TGS1: variants seen among roughly 807,000 people sequenced by gnomAD.
TGS1 encodes the protein trimethylguanosine synthase 1.
TGS1 carries 69 observed loss-of-function variants against 92.2 expected under a neutral mutation model. The observed-to-expected ratio is 0.75, with a 90% CI of 0.62 to 0.91. The LOEUF (loss-of-function observed/expected upper bound fraction) is 0.91, where lower values mean the gene tolerates loss of function less well. Ranked by LOEUF, TGS1 falls within the 40% of genes least tolerant of loss-of-function variation. The pLI is 0.00. For missense variants in TGS1, 1,062 were observed against 1,001.2 expected (o/e 1.06, Z -0.82); for synonymous variants, 345 against 338.1 (o/e 1.02, Z -0.22).
chr8:55,790,208 A>T lies in TGS1; in HGVS notation c.1189A>T (p.Thr397Ser). 6.2e-7 allele frequency: 1 copy of T among 1,614,048 alleles called. No homozygotes were observed. Among genetic ancestry groups the T allele is most frequent in the Non-Finnish European group, 8.5e-7 (1 of 1,179,910 alleles). The change falls in exon 5 of 13, where the codon ACA becomes TCA. Residue 397 changes from threonine (T) to serine (S), a missense_variant. Physicochemically the swap from Thr to Ser is moderately conservative, Grantham distance 58. Transcript: ENST00000260129. ...TTCACAGAAGTCTTCAGGAGCAAAC[A>T]CAAGCAAAGACAGACCACATGCCAG... ...EDSQKSSGAN[T>S]SKDRPHASGT...
At chr8:55,783,425 A>C (rs1212877026) in intron 2 of TGS1, among the ~76,000 whole-genome samples, 4 of 152,196 alleles carry the variant, frequency 2.6e-5, no homozygotes. Flanking sequence ...TCTCCAATTT[A>C]GAATATGTAA....
chr8:55,799,253 A>G lies in TGS1; in HGVS notation c.1849+33A>G, dbSNP rs755955626. 3.9e-6 allele frequency: 6 copies of G among 1,546,922 alleles called. No individual in the cohort carries two copies. In the South Asian group the frequency reaches 7.5e-5, roughly 19 times the overall value. On this transcript the variant is annotated intron_variant, in intron 8 of 12. Transcript: ENST00000260129. ...TAAATATGCTTCAACTTGCTAATGG[A>G]TTTAGATAAAATTTTTTTTGTTAAT...
chr8:55,811,447 G>T (rs1803338481), intron 11 of TGS1, among the ~76,000 whole-genome samples: 1 of 151,622 alleles, frequency 6.6e-6, no homozygotes, highest in Non-Finnish European at 1.5e-5. Context: ...GGGTGACAGA[G>T]CGGGACTCTG....
rs183853797 is a variant in TGS1, at chr8:55,814,240, G to A, written c.2439+1122G>A. On this transcript the variant is annotated intron_variant, in intron 12 of 12. Transcript: ENST00000260129. The stretch of plus-strand genomic sequence containing the variant: ...TGGGATTATAGGTGTGAGCCACCAC[G>A]CGCAGCTGAGTAGCTTTTTAAAAAA... Among the ~76,000 whole-genome samples the A allele has an allele frequency of 4.4e-3, 666 of 152,132 alleles. 9 individuals are homozygous for A. Among genetic ancestry groups the A allele is most frequent in the African/African-American group, 0.015 (604 of 41,500 alleles).
At chr8:55,805,787 C>CA (rs1812348953) in intron 10 of TGS1, among the ~76,000 whole-genome samples, 1 of 150,162 alleles carries the variant, frequency 6.7e-6, no homozygotes, top group African/African-American at 2.5e-5. Context: ...GAGGCTGAGG[C>CA]AGGAGACTCG....
chr8:55,791,953 A>G lies in TGS1; in HGVS notation c.1281-745A>G, dbSNP rs181245800. ...GGACACTTCATTTCTTTGACTGGAT[A>G]TGGGGTGCTCCACGTAAGACACTTG... On this transcript the variant is annotated intron_variant, in intron 5 of 12. Transcript: ENST00000260129. Among the ~76,000 whole-genome samples, 471 of 152,278 alleles carry G rather than the reference A, an allele frequency of 3.1e-3. 5 individuals carry two copies. The highest frequency in any genetic ancestry group is 0.01 in the African/African-American group (418 of 41,546).
At chr8:55,809,993 C>G (rs956367167) in intron 10 of TGS1, among the ~76,000 whole-genome samples, 2 of 152,146 alleles carry the variant, frequency 1.3e-5, no homozygotes, top group Admixed American at 6.5e-5. Context: ...GGAAAAACAC[C>G]ATTATAAATG....
chr8:55,810,095 A>T (rs960667826), intron 10 of TGS1, among the ~76,000 whole-genome samples: 1 of 152,226 alleles, frequency 6.6e-6, no homozygotes, highest in Non-Finnish European at 1.5e-5. Flanking sequence ...AAATTTGGAA[A>T]CTAGCATTTT....
intron 12 of TGS1, among the ~76,000 whole-genome samples, chr8:55,821,416 G>A (rs982988649): frequency 4.6e-5 from 7 of 152,036 alleles, no homozygotes; most frequent in African/African-American, 1.4e-4. Context: ...ACAGACTTCA[G>A]AACTCATGAT....
Position 55,785,768 on chromosome 8 carries a change from A to G in TGS1, c.216A>G (p.Ala72=), listed in dbSNP as rs1327249392. Residue 72 remains alanine (A), a synonymous_variant, in exon 3 of 13, where the codon GCA becomes GCG. Transcript: ENST00000260129. ...EEEGGYSCGT[A]ESHDSKGIGL... ...AAGGTGGTTATTCCTGTGGTACTGCAGAATCACATGACAGCAAAGGCATAG... is the reference window on the plus strand; with the variant it reads ...AAGGTGGTTATTCCTGTGGTACTGCGGAATCACATGACAGCAAAGGCATAG... The G allele has an allele frequency of 1.2e-6, 2 of 1,613,538 alleles. No homozygotes were observed. The highest frequency in any genetic ancestry group is 1.3e-5 in the African/African-American group (1 of 74,896).
intron 1 of TGS1, among the ~76,000 whole-genome samples, chr8:55,781,591 T>C (rs1397838080): frequency 6.6e-6 from 1 of 152,200 alleles, no homozygotes; most frequent in Admixed American, 6.5e-5. Flanking sequence ...ATGCCCCCTG[T>C]GCAGCTCCTG....
At chr8:55,783,613 G>T (rs1321587006) in intron 2 of TGS1, among the ~76,000 whole-genome samples, 1 of 152,120 alleles carries the variant, frequency 6.6e-6, no homozygotes, top group Non-Finnish European at 1.5e-5. Context: ...TGTACATTGA[G>T]CCTCACTTTG....
chr8:55,775,091 A>G (rs531888443), intron 1 of TGS1, among the ~76,000 whole-genome samples: 1 of 151,928 alleles, frequency 6.6e-6, no homozygotes, highest in Non-Finnish European at 1.5e-5. Context: ...CTGTACTGAA[A>G]TTTTTTTTTA....
chr8:55,804,935 T>C lies in TGS1; in HGVS notation c.2042T>C (p.Ile681Thr), dbSNP rs757408677. 4.3e-6 allele frequency: 7 copies of C among 1,614,050 alleles called. No individual in the cohort carries two copies. The highest frequency in any genetic ancestry group is 1.3e-5 in the African/African-American group (1 of 75,048). The part of the protein sequence containing the change: ...SVTPEKIAEH[I>T]AGRVSQSFKC... ...ACACCCGAGAAGATTGCTGAACACA[T>C]TGCTGGCCGTGTTAGTCAGTCCTTC... The change falls in exon 10 of 13, where the codon ATT becomes ACT. Residue 681 changes from isoleucine (I) to threonine (T), a missense_variant. Ile to Thr is a moderately conservative substitution (Grantham distance 89). Coordinates refer to ENST00000260129, the MANE Select transcript of TGS1 (RefSeq NM_024831.8).
chr8:55,806,939 T>G (rs1302241320), intron 10 of TGS1, among the ~76,000 whole-genome samples: 5 of 151,820 alleles, frequency 3.3e-5, no homozygotes, highest in African/African-American at 9.7e-5. Flanking sequence ...TTTTTTTCTT[T>G]TTTTTTGAGA....
At position 55,792,088 on chromosome 8, in the gene TGS1, C is replaced by G. The variant is rs573802112; in HGVS notation, c.1281-610C>G. Among the ~76,000 whole-genome samples the G allele has an allele frequency of 5.3e-5, 8 of 152,288 alleles. No homozygotes were observed. In the South Asian group the frequency reaches 1.7e-3, roughly 32 times the overall value. ...CCTGCTAGTTACTGGAGGCAAAGAT[C>G]ATGTGTGTTCAATGAGCGTAACTTA... is the stretch of plus-strand genomic sequence containing the variant. On this transcript the variant is annotated intron_variant, in intron 5 of 12. Transcript: ENST00000260129.
Position 55,796,146 on chromosome 8 carries a change from G to C in TGS1, c.1536G>C (p.Leu512=). 1 of 1,605,518 alleles carries C rather than the reference G, an allele frequency of 6.2e-7. No homozygotes were observed. Among genetic ancestry groups the C allele is most frequent in the Non-Finnish European group, 8.5e-7 (1 of 1,174,584 alleles). The change falls in exon 7 of 13, where the codon CTG becomes CTC. Residue 512 remains leucine, a synonymous_variant. Transcript: ENST00000260129. ...CATTTTTCAAGAAAAGCAAAATTCT[G>C]AGTAAGGTATGTATAAATTTTGTTG... The part of the protein sequence containing the change: ...EKPFFKKSKI[L]SKVEKFLTWV...
intron 1 of TGS1, among the ~76,000 whole-genome samples, chr8:55,781,265 T>A (rs529618417): frequency 2.0e-5 from 3 of 152,322 alleles, no homozygotes; most frequent in Admixed American, 2.0e-4. Flanking sequence ...ACTTCTAATG[T>A]TGGCCCAACA....
intron 12 of TGS1, among the ~76,000 whole-genome samples, chr8:55,824,357 C>A (rs1803734943): frequency 1.3e-5 from 2 of 152,148 alleles, no homozygotes; most frequent in Non-Finnish European, 2.9e-5. Flanking sequence ...CAGCATAGCA[C>A]CATGAACTTT....
Sources: gnomAD v4.1 joint callset for allele counts (sites outside exome capture counted in the v4.1 genomes callset) on GRCh38, gnomAD v4.1.1 for gene constraint, MANE v1.5 for transcripts, NCBI Gene and HGNC (gene_info 2026-07-23, HGNC 2026-07-21) for gene names.